The following PCBP4 variants were observed in gnomAD, a reference collection of about 807,000 sequenced individuals.
The protein encoded by PCBP4 is poly(rC) binding protein 4.
In PCBP4, 24 loss-of-function variants were observed where a neutral mutation model predicts 46.2. That is an observed-to-expected ratio of 0.52 (90% CI 0.38 to 0.73). The LOEUF (loss-of-function observed/expected upper bound fraction) is 0.73. Among genes scored for constraint, PCBP4 ranks in the 30% least tolerant of loss-of-function variants. The pLI is 0.00. For synonymous variants in PCBP4, 203 were observed against 224.4 expected, an observed-to-expected ratio of 0.90 and a Z score of 0.85; for missense variants, 407 against 537.0, an observed-to-expected ratio of 0.76 and a Z score of 2.39.
In PCBP4 at chr3:51,958,372, G is replaced by A. The variant is rs1699932803; in HGVS notation, c.924-23C>T. ...AGACTGGAGAGAGGGATATAGAGGG[G>A]AGACAAAGGGGAAAGTGGGAGTGAG... is the stretch of plus-strand genomic sequence containing the variant. On this transcript the variant is annotated intron_variant, in intron 13 of 13. Coordinates refer to ENST00000461554, the MANE Select transcript of PCBP4 (RefSeq NM_001174100.2). This position sits in a 1 kb window ranked among gnomAD's most constrained non-coding sequence, Gnocchi z 5.4. The A allele has an allele frequency of 6.9e-7, 1 of 1,444,240 alleles. No homozygotes were observed. The highest frequency in any genetic ancestry group is 9.1e-7 in the Non-Finnish European group (1 of 1,095,282). The allele number at this position is 1,444,240 out of a possible 1,614,324, so 89.5% of individuals were successfully genotyped here. A position where few individuals can be genotyped will look rare whatever the true frequency, so the allele number is the denominator to read the frequency against.
chr3:51,959,355 T>TG lies in PCBP4; in HGVS notation c.636+11dup, dbSNP rs1700024390. The TG allele has an allele frequency of 1.2e-6, 2 of 1,613,426 alleles. No individual in the cohort carries two copies. The highest frequency in any genetic ancestry group is 1.7e-6 in the Non-Finnish European group (2 of 1,179,694). On this transcript the variant is annotated intron_variant, in intron 10 of 13. Transcript: ENST00000461554. The surrounding 1 kb of genome is among the most constrained non-coding windows in gnomAD (Gnocchi z 5.6). ...GTTCAGGAAGGGGTGCCTTGGGCTATGGGTCACTCACCTCAGCTGGGGTCA... is the reference window on the plus strand; with the variant it reads ...GTTCAGGAAGGGGTGCCTTGGGCTATGGGGTCACTCACCTCAGCTGGGGTCA...
chr3:51,961,671 A>G, intron 2 of PCBP4: 1 of 738,586 alleles, frequency 1.4e-6, no homozygotes, highest in Non-Finnish European at 1.7e-6. Context: ...TCAGGAGGAG[A>G]GCCTCCTCCC....
Position 51,960,160 on chromosome 3 carries a change from C to T in PCBP4, c.387+29G>A. 6.2e-7 allele frequency: 1 copy of T among 1,614,122 alleles called. No individual in the cohort carries two copies. The highest frequency in any genetic ancestry group is 8.5e-7 in the Non-Finnish European group (1 of 1,180,036). ...TACAACTGCTCCCTTGCCCCGGATT[C>T]CCTGTGGGTGGTATATCTCGCCCCT... On this transcript the variant is annotated intron_variant, in intron 7 of 13. Coordinates refer to ENST00000461554, the MANE Select transcript of PCBP4 (RefSeq NM_001174100.2). The surrounding 1 kb of genome is among the most constrained non-coding windows in gnomAD (Gnocchi z 5.0).
rs773429085 is a variant in PCBP4, at chr3:51,958,083, C to T, written c.1190G>A (p.Arg397Gln). 3.9e-6 allele frequency: 6 copies of T among 1,556,630 alleles called. No homozygotes were observed. Among genetic ancestry groups the T allele is most frequent in the Non-Finnish European group, 4.3e-6 (5 of 1,153,362 alleles). The change falls in exon 14 of 14, where the codon CGG becomes CAG. Residue 397 changes from arginine (R) to glutamine (Q), a missense_variant. By Grantham distance (43) the Arg-to-Gln change is conservative. Coordinates refer to ENST00000461554, the MANE Select transcript of PCBP4 (RefSeq NM_001174100.2). This position sits in a 1 kb window ranked among gnomAD's most constrained non-coding sequence, Gnocchi z 5.4. Reference sequence around the variant, plus strand: ...GCCTCAGTAGGGGGAGAATTTCTGCCGCTCAGCCTTCTTGCTCCCATTAGC... The same window carrying T: ...GCCTCAGTAGGGGGAGAATTTCTGCTGCTCAGCCTTCTTGCTCCCATTAGC... ...AAANGSKKAE[R>Q]QKFSPY is the part of the protein sequence containing the mutation.
Position 51,959,824 on chromosome 3 carries a change from G to A in PCBP4, c.516+71C>T. On this transcript the variant is annotated intron_variant, in intron 8 of 13. Transcript: ENST00000461554. The surrounding 1 kb of genome is among the most constrained non-coding windows in gnomAD (Gnocchi z 5.6). ...GCCCCACCTGCAGCACAGGCATAGG[G>A]TTTGGGGTCCCCGACAAGGCAGACC... is the stretch of plus-strand genomic sequence containing the variant. 1 of 1,549,538 alleles carries A rather than the reference G, an allele frequency of 6.5e-7. No homozygotes were observed. Among genetic ancestry groups the A allele is most frequent in the South Asian group, 1.2e-5 (1 of 80,376 alleles).
In PCBP4 at chr3:51,958,148, C is replaced by T. The variant is rs369172789; in HGVS notation, c.1125G>A (p.Pro375=). The T allele has an allele frequency of 2.5e-5, 40 of 1,612,264 alleles. No individual in the cohort carries two copies. The African/African-American group carries it at 4.1e-4, about 17-fold the overall frequency. Residue 375 remains proline, a synonymous_variant, in exon 14 of 14, where the codon CCG becomes CCA. Transcript: ENST00000461554. The surrounding 1 kb of genome is among the most constrained non-coding windows in gnomAD (Gnocchi z 5.4). ...CAGTGTAGGCCGCCAAGCCCGGCGG[C>T]GGCCCTGGGGAAGCAGGTGGTAAAG... The part of the protein sequence containing the change: ...FLALPPASPG[P]PPGLAAYTAK...
At chr3:51,965,508 A>T (rs1321206560) in intron 1 of PCBP4, among the ~76,000 whole-genome samples, 5 of 152,174 alleles carry the variant, frequency 3.3e-5, no homozygotes, top group African/African-American at 1.2e-4. Context: ...TGTTGCTGCA[A>T]CTCAAAGAAG....
At chr3:51,963,964 C>T (rs555261095) in intron 1 of PCBP4, among the ~76,000 whole-genome samples, 2 of 152,334 alleles carry the variant, frequency 1.3e-5, no homozygotes, top group Admixed American at 1.3e-4. Flanking sequence ...GCCGGGTGGG[C>T]CCTGGGTCTT....
intron 1 of PCBP4, among the ~76,000 whole-genome samples, chr3:51,962,629 C>G (rs1700236003): frequency 6.6e-6 from 1 of 152,166 alleles, no homozygotes; most frequent in Admixed American, 6.5e-5. Flanking sequence ...CGCCTTCCTC[C>G]TCAGCCCCCT....
rs758150159 is a variant in PCBP4 at position 51,959,185 on chromosome 3, C to T, written c.700+44G>A. 3.1e-6 allele frequency: 5 copies of T among 1,613,172 alleles called. No homozygotes were observed. In the South Asian group the frequency reaches 4.4e-5, roughly 14 times the overall value. On this transcript the variant is annotated intron_variant, in intron 11 of 13. Transcript: ENST00000461554. The surrounding 1 kb of genome is among the most constrained non-coding windows in gnomAD (Gnocchi z 5.6). Reference sequence around the variant, plus strand: ...TCTCCCTGGAAGGGAGGGGGCTGCCCTCTTAGGACCCTCCCCCTGCCTCCT... The same window carrying T: ...TCTCCCTGGAAGGGAGGGGGCTGCCTTCTTAGGACCCTCCCCCTGCCTCCT...
Position 51,959,006 on chromosome 3 carries a change from G to T in PCBP4, c.753+41C>A, listed in dbSNP as rs372020508. ...GCCCTGGGTGAGGTCCAGACCCCCA[G>T]ACCCCCTACCCACCCTCCAGCCATC... On this transcript the variant is annotated intron_variant, in intron 12 of 13. Transcript: ENST00000461554. This position sits in a 1 kb window ranked among gnomAD's most constrained non-coding sequence, Gnocchi z 5.6. 1 of 1,613,392 alleles carries T rather than the reference G, an allele frequency of 6.2e-7. No homozygotes were observed. The highest frequency in any genetic ancestry group is 8.5e-7 in the Non-Finnish European group (1 of 1,179,540).
intron 1 of PCBP4, chr3:51,962,937 C>T (rs1559763299): frequency 6.6e-6 from 1 of 152,272 alleles, no homozygotes; most frequent in Non-Finnish European, 1.5e-5. Context: ...TCCGAGCATC[C>T]TGGCCAGCCT....
intron 3 of PCBP4, 35 bp downstream of exon 3, chr3:51,961,125 G>A: frequency 6.2e-7 from 1 of 1,613,744 alleles, no homozygotes; most frequent in East Asian, 2.2e-5. Context: ...GCCCAGCCCA[G>A]CCTTGCCTCG....
chr3:51,964,557 C>T, intron 1 of PCBP4, among the ~76,000 whole-genome samples: 1 of 152,220 alleles, frequency 6.6e-6, no homozygotes, highest in Non-Finnish European at 1.5e-5. Flanking sequence ...CCTAGCAGCC[C>T]CCTTCTCCTA....
chr3:51,957,995 G>T lies in PCBP4; in HGVS notation c.*66C>A. The T allele has an allele frequency of 1.4e-6, 2 of 1,435,128 alleles. No individual in the cohort carries two copies. The highest frequency in any genetic ancestry group is 2.4e-5 in the East Asian group (1 of 41,234). 88.9% of individuals were successfully genotyped at this position (1,435,128 alleles called of 1,614,324 possible). A position where few individuals can be genotyped will look rare whatever the true frequency, so the allele number is the denominator to read the frequency against. ...ACCCCAGGGTGGAGTCTCCTTGGGC[G>T]GGTAGGGTGCAGAGGCAGCCCCCTG... On this transcript the variant is annotated 3_prime_UTR_variant, in exon 14 of 14. Coordinates refer to ENST00000461554, the MANE Select transcript of PCBP4 (RefSeq NM_001174100.2).
Position 51,958,781 on chromosome 3 carries a change from C to T in PCBP4, c.923+9G>A, listed in dbSNP as rs372731877. 10 of 1,607,614 alleles carry T rather than the reference C, an allele frequency of 6.2e-6. No individual in the cohort carries two copies. Among genetic ancestry groups the T allele is most frequent in the East Asian group, 2.2e-5 (1 of 44,688 alleles). ...CCTGCTCCCCCACTGCCGCCCAGCC[C>T]GCGCTCACCAGGCAGTGATGAGGTA... On this transcript the variant is annotated intron_variant, in intron 13 of 13. Transcript: ENST00000461554. This position sits in a 1 kb window ranked among gnomAD's most constrained non-coding sequence, Gnocchi z 5.4.
rs767494640 is a variant in PCBP4, at chr3:51,958,888, G to A, written c.825C>T (p.Ile275=). 1.3e-5 allele frequency: 21 copies of A among 1,613,870 alleles called. No homozygotes were observed. Among genetic ancestry groups the A allele is most frequent in the Non-Finnish European group, 1.8e-5 (21 of 1,179,972 alleles). ...SEIRQMSGAH[I]KIGNQAEGAG... is the part of the protein sequence containing the mutation. ...CGCCCTCTGCTTGGTTCCCGATCTT[G>A]ATATGTGCCCCTGACATCTGCCGGA... The change falls in exon 13 of 14, where the codon ATC becomes ATT. Residue 275 remains isoleucine, a synonymous_variant. Transcript: ENST00000461554. This position sits in a 1 kb window ranked among gnomAD's most constrained non-coding sequence, Gnocchi z 5.4.
At position 51,961,012 on chromosome 3, in the gene PCBP4, T is replaced by TC. The variant is rs35444201; in HGVS notation, c.102dup (p.Lys35GlufsTer26). ...ACAGAGCAGAGCTAGGCACCTACCT[T>TC]CCCGATGATGCTGCCCACTTCCTGC... On this transcript the variant is annotated frameshift_variant, in exon 4 of 14. Coordinates refer to ENST00000461554, the MANE Select transcript of PCBP4 (RefSeq NM_001174100.2). LOFTEE classifies it high-confidence loss of function. The TC allele has an allele frequency of 1.2e-6, 2 of 1,614,012 alleles. No individual in the cohort carries two copies. Among genetic ancestry groups the TC allele is most frequent in the African/African-American group, 2.7e-5 (2 of 74,906 alleles).
chr3:51,961,596 G>A (rs1030488283), intron 2 of PCBP4: 13 of 343,062 alleles, frequency 3.8e-5, no homozygotes, highest in African/African-American at 1.9e-4. Flanking sequence ...ATACATGGTA[G>A]GTACCTAGCC....
Sources: gnomAD v4.1 joint callset for allele counts (sites outside exome capture counted in the v4.1 genomes callset) on GRCh38, gnomAD v4.1.1 for gene constraint, Gnocchi (gnomAD v3.1) non-coding constraint, MANE v1.5 for transcripts, NCBI Gene and HGNC (gene_info 2026-07-23, HGNC 2026-07-21) for gene names.